Variants in DIP2C observed in about 807,000 individuals in gnomAD.
The protein encoded by DIP2C is DIP2 acetate--CoA ligase C (putative), also known as disco-interacting protein 2 homolog C.
A neutral mutation model predicts 192.4 loss-of-function variants in DIP2C; 33 were observed. That is an observed-to-expected ratio of 0.17 (90% CI 0.13 to 0.23). DIP2C has a LOEUF of 0.23. Among genes scored for constraint, DIP2C ranks in the 10% least tolerant of loss-of-function variants. The pLI is 1.00. For missense variants in DIP2C, 1,537 were observed against 2,110.1 expected (o/e 0.73, Z 5.32); for synonymous variants, 979 against 864.1 (o/e 1.13, Z -2.33).
chr10:494,861 G>A (rs1412773768), intron 1 of DIP2C, among the ~76,000 whole-genome samples: 3 of 152,238 alleles, frequency 2.0e-5, no homozygotes, highest in South Asian at 4.1e-4. Flanking sequence ...AGGACTCTAT[G>A]ATCCAGCAAT....
Position 497,862 on chromosome 10 carries a change from A to G in DIP2C, c.86-11332T>C, listed in dbSNP as rs996835178. The stretch of plus-strand genomic sequence containing the variant: ...TGGAATAGGTTGGGACAGGGAAAAC[A>G]TATGTCATGAGATGAAAAATTTTTT... On this transcript the variant is annotated intron_variant, in intron 1 of 36. Transcript: ENST00000280886. Among the ~76,000 whole-genome samples the G allele has an allele frequency of 3.3e-5, 5 of 152,340 alleles. No individual in the cohort carries two copies. The South Asian group carries it at 1.0e-3, about 32-fold the overall frequency.
At chr10:418,297 G>A (rs1046398416) in intron 6 of DIP2C, among the ~76,000 whole-genome samples, 48 of 137,926 alleles carry the variant, frequency 3.5e-4, no homozygotes, top group Admixed American at 8.5e-4. Context: ...TCCACCTGTC[G>A]GAGCTCGGAT....
chr10:356,449 G>A lies in DIP2C; in HGVS notation c.2962C>T (p.Leu988Phe), dbSNP rs563922647. 2.5e-6 allele frequency: 4 copies of A among 1,611,864 alleles called. No individual in the cohort carries two copies. Among genetic ancestry groups the A allele is most frequent in the African/African-American group, 1.3e-5 (1 of 75,012 alleles). The stretch of plus-strand genomic sequence containing the variant: ...ACCCGACAGTTGAGCAGCGTGTAGA[G>A]GATGTGGTCCGGGGTGGTCTGTGCT... ...WRAQTTPDHI[L>F]YTLLNCRGAI... The change falls in exon 24 of 37, where the codon CTC (leucine) becomes TTC (phenylalanine). Residue 988 changes from leucine (L) to phenylalanine (F), a missense_variant. Physicochemically the swap from Leu to Phe is conservative, Grantham distance 22. Around this residue, in one of 4 missense-constraint regions of DIP2C, gnomAD observed 677 missense variants for 989.9 expected, o/e 0.68. Coordinates refer to ENST00000280886, the MANE Select transcript of DIP2C (RefSeq NM_014974.3).
At chr10:399,819 G>A (rs150528370) in intron 9 of DIP2C, among the ~76,000 whole-genome samples, 103 of 152,328 alleles carry the variant, frequency 6.8e-4, no homozygotes, top group African/African-American at 2.2e-3. Context: ...CAAGTTACTG[G>A]CACTAGGGCT....
intron 1 of DIP2C, among the ~76,000 whole-genome samples, chr10:550,912 G>GC (rs912576326): frequency 1.3e-5 from 2 of 152,316 alleles, no homozygotes; most frequent in African/African-American, 4.8e-5. Context: ...TGCGAACCGT[G>GC]CACATGGCTT....
At chr10:293,311 G>A (rs1219028492) in intron 32 of DIP2C, among the ~76,000 whole-genome samples, 1 of 152,208 alleles carries the variant, frequency 6.6e-6, no homozygotes, top group African/African-American at 2.4e-5. Flanking sequence ...GCATTTCAAG[G>A]GGAGCAAACA....
At chr10:434,378 G>A (rs1317145305) in intron 4 of DIP2C, among the ~76,000 whole-genome samples, 1 of 152,158 alleles carries the variant, frequency 6.6e-6, no homozygotes, top group Non-Finnish European at 1.5e-5. Flanking sequence ...AGGATCCTGG[G>A]CTCAAGTGAC....
intron 1 of DIP2C, among the ~76,000 whole-genome samples, chr10:506,052 C>A (rs1473717021): frequency 6.6e-6 from 1 of 152,212 alleles, no homozygotes; most frequent in Non-Finnish European, 1.5e-5. Flanking sequence ...CATTTGGCAG[C>A]ACAAGGGAGT....
intron 23 of DIP2C, among the ~76,000 whole-genome samples, chr10:356,956 T>C (rs961008944): frequency 1.3e-5 from 2 of 152,192 alleles, no homozygotes; most frequent in Non-Finnish European, 1.5e-5. Context: ...CGGGATCTAA[T>C]AAATTTAGGT....
chr10:337,367 A>G (rs1957877202), intron 29 of DIP2C, among the ~76,000 whole-genome samples: 1 of 121,164 alleles, frequency 8.3e-6, no homozygotes, highest in East Asian at 2.7e-4. Context: ...TGTGTTGTGG[A>G]GGCCTAGGCA....
chr10:485,559 C>G (rs1843955128), intron 2 of DIP2C, among the ~76,000 whole-genome samples: 1 of 152,218 alleles, frequency 6.6e-6, no homozygotes, highest in Admixed American at 6.5e-5. Flanking sequence ...AGCAGAATCT[C>G]CACACCGTTT....
At position 678,690 on chromosome 10, in the gene DIP2C, CCACACCCG is replaced by C. The variant is rs1266884771; in HGVS notation, c.85+10796_85+10803del. ...GCCCAGCTCCCCACGCCCATGCTCC[CCACACCCG>C]TTCTCCCCACGCCCATGCTCCCCAC... is the stretch of plus-strand genomic sequence containing the variant. On this transcript the variant is annotated intron_variant, in intron 1 of 36. Transcript: ENST00000280886. Among the ~76,000 whole-genome samples the C allele has an allele frequency of 1.1e-3, 22 of 20,520 alleles. 1 individual carries two copies. Among genetic ancestry groups the C allele is most frequent in the African/African-American group, 1.5e-3 (22 of 14,272 alleles). The allele number at this position is 20,520 out of a possible 152,430, so 13.5% of individuals were successfully genotyped here.
At chr10:472,665 G>T in intron 2 of DIP2C, 116 bp from the exon 3 acceptor site, 2 of 897,642 alleles carry the variant, frequency 2.2e-6, no homozygotes, top group Non-Finnish European at 3.5e-6. Flanking sequence ...CACGGGACTG[G>T]GCATGGCGGC....
intron 29 of DIP2C, 97 bp from the exon 30 acceptor site, chr10:329,698 G>A: frequency 6.9e-7 from 1 of 1,449,818 alleles, no homozygotes; most frequent in South Asian, 1.4e-5. Context: ...CAAGGAAAAG[G>A]AGGACTTGGA....
intron 1 of DIP2C, among the ~76,000 whole-genome samples, chr10:496,700 A>G (rs1588300476): frequency 6.6e-6 from 1 of 151,764 alleles, no homozygotes; most frequent in South Asian, 2.1e-4. Flanking sequence ...GCAATACCCC[A>G]AACAATGTGA....
chr10:454,621 C>T lies in DIP2C; in HGVS notation c.269-13625G>A, dbSNP rs991075150. ...ATTCGGGGATAAAAACATCAGCACCCTTCGAACCCCTCAGAGAAAGAGGTA... is the reference window on the plus strand; with the variant it reads ...ATTCGGGGATAAAAACATCAGCACCTTTCGAACCCCTCAGAGAAAGAGGTA... On this transcript the variant is annotated intron_variant, in intron 3 of 36. Transcript: ENST00000280886. Among the ~76,000 whole-genome samples, 127 of 120,636 alleles carry T rather than the reference C, an allele frequency of 1.1e-3. 12 individuals carry two copies. The highest frequency in any genetic ancestry group is 6.8e-3 in the African/African-American group (114 of 16,784). The allele number at this position is 120,636 out of a possible 152,430, so 79.1% of individuals were successfully genotyped here. A position where few individuals can be genotyped will look rare whatever the true frequency, so the allele number is the denominator to read the frequency against.
intron 23 of DIP2C, 90 bp from the exon 24 acceptor site, chr10:356,596 T>C (rs1959095065): frequency 4.6e-6 from 5 of 1,080,946 alleles, no homozygotes; most frequent in Admixed American, 4.4e-5. Context: ...CTCAAACCCA[T>C]AGAGGCTGAG....
intron 1 of DIP2C, among the ~76,000 whole-genome samples, chr10:532,740 A>T (rs816638): frequency 0.02 from 1,432 of 71,804 alleles, 29 homozygotes; most frequent in East Asian, 0.047. Flanking sequence ...TATGGGTGTG[A>T]GAGAGAGTAT....
At chr10:547,515 A>C (rs979013362) in intron 1 of DIP2C, among the ~76,000 whole-genome samples, 1 of 152,158 alleles carries the variant, frequency 6.6e-6, no homozygotes, top group Non-Finnish European at 1.5e-5. Context: ...AAGCAGGCAG[A>C]CAGTGAGGTA....
Sources: allele counts gnomAD v4.1 joint callset (sites outside exome capture counted in the v4.1 genomes callset), GRCh38; gene constraint gnomAD v4.1.1; regional missense constraint gnomAD v4.1.1; transcripts MANE v1.5; gene names NCBI Gene and HGNC (gene_info 2026-07-23, HGNC 2026-07-21).